The following ALDH1L1 variants were observed in gnomAD, a reference collection of about 807,000 sequenced individuals.
The protein encoded by ALDH1L1 is cytosolic 10-formyltetrahydrofolate dehydrogenase.
ALDH1L1 carries 68 observed loss-of-function variants against 101.1 expected under a neutral mutation model. The ratio of observed to expected loss-of-function variants is 0.67; its 90% confidence interval spans 0.55 to 0.82. ALDH1L1 has a LOEUF of 0.82. ALDH1L1 is among the 40% of genes least tolerant of loss of function. The pLI, the probability that ALDH1L1 is intolerant of heterozygous loss-of-function variation, is 0.00. For missense variants in ALDH1L1, 1,087 were observed against 1,172.7 expected, an observed-to-expected ratio of 0.93 and a Z score of 1.07; for synonymous variants, 486 against 470.8, an observed-to-expected ratio of 1.03 and a Z score of -0.42.
chr3:126,130,004 G>C (rs3821458), intron 14 of ALDH1L1: 262,903 of 409,974 alleles, frequency 0.64, 84,841 homozygotes, highest in Middle Eastern at 0.68. Flanking sequence ...GTTTCCCACC[G>C]TGGACCTGAC....
intron 5 of ALDH1L1, among the ~76,000 whole-genome samples, chr3:126,155,102 G>T (rs2080879099): frequency 6.6e-6 from 1 of 152,104 alleles, no homozygotes. Flanking sequence ...CTCGCACTAC[G>T]GCTGACGTTT....
chr3:126,133,409 C>A (rs1391898175), intron 12 of ALDH1L1, among the ~76,000 whole-genome samples: 1 of 152,194 alleles, frequency 6.6e-6, no homozygotes, highest in Non-Finnish European at 1.5e-5. Context: ...AACCTGCAGC[C>A]CACTAAAGCT....
intron 1 of ALDH1L1, among the ~76,000 whole-genome samples, chr3:126,171,511 T>G (rs1286474244): frequency 6.6e-6 from 1 of 151,842 alleles, no homozygotes; most frequent in African/African-American, 2.4e-5. Context: ...TCCTTTCAGG[T>G]TGATTTTCTC....
chr3:126,103,758 G>A lies in ALDH1L1; in HGVS notation c.*33C>T, dbSNP rs1945758863. 6.2e-7 allele frequency: 1 copy of A among 1,609,580 alleles called. No individual in the cohort carries two copies. Among genetic ancestry groups the A allele is most frequent in the Non-Finnish European group, 8.5e-7 (1 of 1,177,654 alleles). ...GGAGGGGGCCCCAGCCACGAGGGAG[G>A]GGCAGGGACTTTCTTCTCACAAAGA... On this transcript the variant is annotated 3_prime_UTR_variant, in exon 23 of 23. Coordinates refer to ENST00000393434, the MANE Select transcript of ALDH1L1 (RefSeq NM_012190.4).
At chr3:126,151,317 G>T (rs145860650) in intron 7 of ALDH1L1, 1 of 152,340 alleles carries the variant, frequency 6.6e-6, no homozygotes, top group African/African-American at 2.4e-5. Flanking sequence ...AAGAGGAGAG[G>T]CTGAAAAAGG....
chr3:126,139,984 T>C lies in ALDH1L1; in HGVS notation c.1077-2024A>G, dbSNP rs149011141. 2.6e-5 allele frequency among the ~76,000 whole-genome samples: 4 copies of C among 152,236 alleles called. No individual in the cohort carries two copies. In the East Asian group the frequency reaches 7.7e-4, roughly 29 times the overall value. ...AAAAAGAGAAAAAGGTTTCTCTAAA[T>C]ATGTATTTGAAGAAATAGTGGCCCC... On this transcript the variant is annotated intron_variant, in intron 9 of 22. Transcript: ENST00000393434.
At chr3:126,179,055 C>T (rs1294356726) in intron 1 of ALDH1L1, among the ~76,000 whole-genome samples, 1 of 152,212 alleles carries the variant, frequency 6.6e-6, no homozygotes. Flanking sequence ...GCACGGGAGC[C>T]TTGGGAGGGG....
At chr3:126,141,914 A>G (rs531003712) in intron 9 of ALDH1L1, among the ~76,000 whole-genome samples, 1 of 152,286 alleles carries the variant, frequency 6.6e-6, no homozygotes, top group South Asian at 2.1e-4. Context: ...AATCAAATTT[A>G]GATTTCTTGA....
At chr3:126,184,876 T>C (rs2081504058), upstream of ALDH1L1, among the ~76,000 whole-genome samples, 1 of 152,030 alleles carries the variant, frequency 6.6e-6, no homozygotes, top group African/African-American at 2.4e-5. Flanking sequence ...CTTGTTTTTG[T>C]TTTGTTTTGT....
Position 126,103,787 on chromosome 3 carries a change from T to C in ALDH1L1, c.*4A>G. 1 of 1,613,340 alleles carries C rather than the reference T, an allele frequency of 6.2e-7. No individual in the cohort carries two copies. The highest frequency in any genetic ancestry group is 8.5e-7 in the Non-Finnish European group (1 of 1,179,688). On this transcript the variant is annotated 3_prime_UTR_variant, in exon 23 of 23. Coordinates refer to ENST00000393434, the MANE Select transcript of ALDH1L1 (RefSeq NM_012190.4). ...AGGGACTTTCTTCTCACAAAGACCT[T>C]TCTTCAGTATTCGAAGGTCACTGTC...
At chr3:126,159,612 C>T (rs1181494004) in intron 2 of ALDH1L1, 1 of 444,782 alleles carries the variant, frequency 2.2e-6, no homozygotes, top group Admixed American at 2.4e-5. Context: ...GCAGATTGGA[C>T]TGCACTTGCA....
intron 1 of ALDH1L1, among the ~76,000 whole-genome samples, chr3:126,170,466 G>C (rs556434192): frequency 1.4e-5 from 2 of 147,100 alleles, no homozygotes; most frequent in African/African-American, 5.1e-5. Context: ...TCAACCAGTC[G>C]GGCCTAATAA....
intron 18 of ALDH1L1, among the ~76,000 whole-genome samples, chr3:126,113,365 A>G (rs1346310489): frequency 6.6e-6 from 1 of 152,150 alleles, no homozygotes; most frequent in African/African-American, 2.4e-5. Flanking sequence ...CAGCCCCGAC[A>G]TGGGTGGGTG....
At chr3:126,185,305 C>T (rs1307411614), upstream of ALDH1L1, among the ~76,000 whole-genome samples, 1 of 152,170 alleles carries the variant, frequency 6.6e-6, no homozygotes, top group Non-Finnish European at 1.5e-5. Context: ...GCACATGGCC[C>T]CCAGAAACTC....
At position 126,131,494 on chromosome 3, in the gene ALDH1L1, T is replaced by C. The variant is rs2080304467; in HGVS notation, c.1513A>G (p.Thr505Ala). Residue 505 changes from threonine (T) to alanine (A), a missense_variant, in exon 13 of 23, where the codon ACC (threonine) becomes GCC (alanine). By Grantham distance (58) the Thr-to-Ala change is moderately conservative. This residue lies in a region of ALDH1L1 where 442 missense variants were observed against 535.7 expected (regional missense o/e 0.83). Transcript: ENST00000393434. ...GCACCCGCATCCAGGGCCTCAATGG[T>C]GGCCAGCTCCTCCTGGTGCTGCTCC... is the stretch of plus-strand genomic sequence containing the variant. ...LMEQHQEELA[T>A]IEALDAGAVY... 2 of 1,612,674 alleles carry C rather than the reference T, an allele frequency of 1.2e-6. No homozygotes were observed. The highest frequency in any genetic ancestry group is 1.1e-5 in the South Asian group (1 of 91,008).
intron 4 of ALDH1L1, among the ~76,000 whole-genome samples, chr3:126,156,988 G>A (rs4646705): frequency 0.52 from 78,289 of 151,968 alleles, 20,504 homozygotes; most frequent in African/African-American, 0.61. Context: ...AACGAGTGAA[G>A]GAGAGAGAAA....
chr3:126,122,378 A>G (rs2080097347), intron 16 of ALDH1L1, among the ~76,000 whole-genome samples: 1 of 152,208 alleles, frequency 6.6e-6, no homozygotes, highest in African/African-American at 2.4e-5. Context: ...ATTGTGGGGT[A>G]ACAAATAGAA....
intron 1 of ALDH1L1, among the ~76,000 whole-genome samples, chr3:126,171,887 C>A (rs1020446094): frequency 6.6e-6 from 1 of 152,156 alleles, no homozygotes; most frequent in African/African-American, 2.4e-5. Context: ...CACTTCCCCC[C>A]ACCAAAACAC....
Position 126,105,701 on chromosome 3 carries a change from AACCCC to A in ALDH1L1, c.2653+20_2653+24del, listed in dbSNP as rs1174740071. 1.9e-6 allele frequency: 3 copies of A among 1,613,728 alleles called. No homozygotes were observed. Among genetic ancestry groups the A allele is most frequent in the Non-Finnish European group, 2.5e-6 (3 of 1,179,596 alleles). ...GTTTGTTGAATGAATAAATGAAAGC[AACCCC>A]ACAGGCAGGAGTAGGTTACCTAGAT... On this transcript the variant is annotated intron_variant, in intron 22 of 22. Coordinates refer to ENST00000393434, the MANE Select transcript of ALDH1L1 (RefSeq NM_012190.4).
Sources: allele counts gnomAD v4.1 joint callset (sites outside exome capture counted in the v4.1 genomes callset), GRCh38; gene constraint gnomAD v4.1.1; regional missense constraint gnomAD v4.1.1; transcripts MANE v1.5; gene names NCBI Gene and HGNC (gene_info 2026-07-23, HGNC 2026-07-21).